The following HYCC1 variants were observed in gnomAD, a reference collection of about 807,000 sequenced individuals.
The protein encoded by HYCC1 is hyccin.
chr7:23,001,426 T>A, the HYCC1 span, among the ~76,000 whole-genome samples: 1 of 152,128 alleles, frequency 6.6e-6, no homozygotes, highest in African/African-American at 2.4e-5. Context: ...CTAAAACAGT[T>A]CAAAACCTTT....
the HYCC1 span, among the ~76,000 whole-genome samples, chr7:22,999,185 A>G: frequency 6.6e-6 from 1 of 152,218 alleles, no homozygotes; most frequent in Non-Finnish European, 1.5e-5. Context: ...AAGTCCATTA[A>G]TATGTTATGT....
chr7:22,928,715 T>G, the HYCC1 span, among the ~76,000 whole-genome samples: 1 of 152,200 alleles, frequency 6.6e-6, no homozygotes, highest in Non-Finnish European at 1.5e-5. Context: ...GAACATTCCA[T>G]GCTCATGGGT....
At chr7:22,978,074 T>C in the HYCC1 span, 2 of 612,226 alleles carry the variant, frequency 3.3e-6, no homozygotes, top group Non-Finnish European at 5.8e-6. Context: ...AATCAATCCA[T>C]AAAGGTAAGT....
the HYCC1 span, among the ~76,000 whole-genome samples, chr7:22,998,937 T>C: frequency 6.6e-6 from 1 of 152,220 alleles, no homozygotes; most frequent in East Asian, 1.9e-4. Context: ...AGGCTCCATG[T>C]CTTTGCCTAT....
At chr7:23,002,195 A>G in the HYCC1 span, among the ~76,000 whole-genome samples, 1 of 140,330 alleles carries the variant, frequency 7.1e-6, no homozygotes, top group Non-Finnish European at 1.5e-5. Flanking sequence ...TTGCGGCTAC[A>G]GCATGTAATG....
At chr7:22,960,079 C>T in the HYCC1 span, among the ~76,000 whole-genome samples, 1 of 152,070 alleles carries the variant, frequency 6.6e-6, no homozygotes, top group African/African-American at 2.4e-5. Flanking sequence ...ACATAAGGGG[C>T]TCCATTTTTC....
chr7:22,944,388 C>T, the HYCC1 span: 2 of 152,094 alleles, frequency 1.3e-5, no homozygotes, highest in African/African-American at 2.4e-5. Context: ...CAACTTCTGC[C>T]ATGTCGTCTT....
chr7:22,915,682 A>G, the HYCC1 span, among the ~76,000 whole-genome samples: 1 of 152,062 alleles, frequency 6.6e-6, no homozygotes, highest in Admixed American at 6.5e-5. Flanking sequence ...CCTTCTTAAT[A>G]CGGAGGCTAC....
chr7:22,962,146 C>T, the HYCC1 span, among the ~76,000 whole-genome samples: 4 of 152,084 alleles, frequency 2.6e-5, no homozygotes, highest in South Asian at 2.1e-4. Context: ...TCCACATAGC[C>T]GGAACCCTAA....
chr7:22,923,213 T>C, the HYCC1 span, among the ~76,000 whole-genome samples: 1 of 152,060 alleles, frequency 6.6e-6, no homozygotes, highest in African/African-American at 2.4e-5. Flanking sequence ...CAAAGTATGC[T>C]CTCCAACCAT....
chr7:22,912,153 C>T, the HYCC1 span, among the ~76,000 whole-genome samples: 10 of 152,200 alleles, frequency 6.6e-5, no homozygotes, highest in African/African-American at 9.7e-5. Flanking sequence ...TATTTAAAGT[C>T]TCTGGAAATT....
At chr7:22,963,472 T>C in the HYCC1 span, among the ~76,000 whole-genome samples, 1 of 152,192 alleles carries the variant, frequency 6.6e-6, no homozygotes, top group South Asian at 2.1e-4. Context: ...AAAAAATCCA[T>C]AAATGCTGAA....
the HYCC1 span, among the ~76,000 whole-genome samples, chr7:22,961,856 C>A: frequency 6.6e-6 from 1 of 151,358 alleles, no homozygotes; most frequent in African/African-American, 2.4e-5. Flanking sequence ...TGTGTCTGTG[C>A]ATGTGTGTGT....
chr7:22,940,090 C>A, the HYCC1 span: 12 of 152,238 alleles, frequency 7.9e-5, no homozygotes, highest in African/African-American at 2.9e-4. Flanking sequence ...AATCACCACT[C>A]TGGTTCTCTA....
chr7:22,996,017 G>A, the HYCC1 span, among the ~76,000 whole-genome samples: 5 of 152,110 alleles, frequency 3.3e-5, no homozygotes, highest in African/African-American at 1.2e-4. Context: ...AAGTATGGCT[G>A]GGTGCGGTGG....
the HYCC1 span, among the ~76,000 whole-genome samples, chr7:22,907,607 G>A: frequency 6.6e-6 from 1 of 152,196 alleles, no homozygotes; most frequent in South Asian, 2.1e-4. Flanking sequence ...AGACTGACAT[G>A]CTTATTAAAA....
chr7:22,946,854 G>T, the HYCC1 span: 1 of 897,164 alleles, frequency 1.1e-6, no homozygotes, highest in Non-Finnish European at 1.7e-6. Context: ...GAGAAATGTG[G>T]TGCATAATTC....
At chr7:22,983,632 C>G in the HYCC1 span, 2 of 290,910 alleles carry the variant, frequency 6.9e-6, no homozygotes, top group Non-Finnish European at 1.3e-5. Flanking sequence ...TGATTCTCTA[C>G]TGCCTAGCAT....
the HYCC1 span, among the ~76,000 whole-genome samples, chr7:22,904,444 A>C: frequency 2.7e-5 from 4 of 150,836 alleles, no homozygotes; most frequent in African/African-American, 9.7e-5. Context: ...AAAAAAAAAA[A>C]AGTAATAATA....
Sources: allele counts gnomAD v4.1 joint callset (sites outside exome capture counted in the v4.1 genomes callset), GRCh38; gene constraint gnomAD v4.1.1; transcripts MANE v1.5; gene names NCBI Gene and HGNC (gene_info 2026-07-23, HGNC 2026-07-21).